Variants in MED13 observed in about 807,000 individuals in gnomAD.
MED13 encodes the protein mediator of RNA polymerase II transcription subunit 13.
MED13 carries 23 observed loss-of-function variants against 225.2 expected under a neutral mutation model. The observed-to-expected ratio is 0.10, with a 90% confidence interval of 0.07 to 0.14. The LOEUF (loss-of-function observed/expected upper bound fraction) is 0.14, where lower values mean the gene tolerates loss of function less well. Ranked by LOEUF, MED13 falls within the 10% of genes least tolerant of loss-of-function variation. The probability of loss-of-function intolerance (pLI) is 1.00; values close to 1 mark genes in which losing one functional copy is unlikely to be tolerated. For synonymous variants in MED13, 942 were observed against 889.2 expected (o/e 1.06, Z -1.06); for missense variants, 2,197 against 2,594.5 (o/e 0.85, Z 3.33).
At chr17:61,992,493 T>C (rs1410062020) in intron 11 of MED13, 47 bp downstream of exon 11, 15 of 1,191,350 alleles carry the variant, frequency 1.3e-5, no homozygotes, top group African/African-American at 9.0e-5. Flanking sequence ...CAGTCTGTAG[T>C]AACAATCCTG....
chr17:61,954,192 A>G (rs1262092709), intron 26 of MED13, among the ~76,000 whole-genome samples: 1 of 152,202 alleles, frequency 6.6e-6, no homozygotes, highest in African/African-American at 2.4e-5. Context: ...GAGTTATTAT[A>G]TAACACACGA....
intron 20 of MED13, among the ~76,000 whole-genome samples, chr17:61,964,770 T>C (rs536851728): frequency 5.6e-4 from 85 of 152,090 alleles, no homozygotes; most frequent in African/African-American, 2.0e-3. Flanking sequence ...ACCCTGTCTC[T>C]ACTAAAAATA....
At chr17:61,998,925 CTTTTTTTTTTT>C (rs10617153) in intron 9 of MED13, among the ~76,000 whole-genome samples, 2 of 103,864 alleles carry the variant, frequency 1.9e-5, no homozygotes, top group Non-Finnish European at 3.8e-5. Flanking sequence ...TTAAATGGTA[CTTTTTTTTTTT>C]TTTTTTTTTT....
rs1325798147 is a variant in MED13, at chr17:62,063,146, T to C, written c.222A>G (p.Arg74=). The part of the protein sequence containing the change: ...DVLGVWRRDQ[R]PGRRELWIFW... ...ATATCCACAATTCTCTTCTTCCAGGTCTTTGATCTCGCCGCCAAACACCAA... is the reference window on the plus strand; with the variant it reads ...ATATCCACAATTCTCTTCTTCCAGGCCTTTGATCTCGCCGCCAAACACCAA... Residue 74 remains arginine (R), a synonymous_variant, in exon 2 of 30, where the codon AGA becomes AGG. Coordinates refer to ENST00000397786, the MANE Select transcript of MED13 (RefSeq NM_005121.3). 3 of 1,614,192 alleles carry C rather than the reference T, an allele frequency of 1.9e-6. No homozygotes were observed. The highest frequency in any genetic ancestry group is 2.5e-6 in the Non-Finnish European group (3 of 1,180,018).
chr17:62,048,271 G>A (rs2080920545), intron 3 of MED13, among the ~76,000 whole-genome samples: 1 of 150,242 alleles, frequency 6.7e-6, no homozygotes, highest in Non-Finnish European at 1.5e-5. Context: ...CAGTCGTGGT[G>A]GCTAGTGTCT....
chr17:62,038,861 CGG>C lies in MED13; in HGVS notation c.471-3255_471-3254del, dbSNP rs373371098. Among the ~76,000 whole-genome samples the C allele has an allele frequency of 6.3e-3, 960 of 151,536 alleles. 9 individuals carry two copies. Among genetic ancestry groups the C allele is most frequent in the African/African-American group, 0.022 (906 of 41,320 alleles). On this transcript the variant is annotated intron_variant, in intron 3 of 29. Coordinates refer to ENST00000397786, the MANE Select transcript of MED13 (RefSeq NM_005121.3). ...TTTTTCCCCCTAGGGATGGCAGGGG[CGG>C]GGGGGCTCACTATGTTGCCCAGGCT...
rs531446145 is a variant in MED13 at position 62,015,834 on chromosome 17, TAC to T, written c.1284-4603_1284-4602del. 2.9e-3 allele frequency among the ~76,000 whole-genome samples: 331 copies of T among 113,438 alleles called. 1 individual carries two copies. Among genetic ancestry groups the T allele is most frequent in the African/African-American group, 9.9e-3 (310 of 31,268 alleles). 74.4% of individuals were successfully genotyped at this position (113,438 alleles called of 152,430 possible). On this transcript the variant is annotated intron_variant, in intron 8 of 29. Transcript: ENST00000397786. ...TATATATACATACACACTATATATA[TAC>T]ACACACACTATATATATGTGTATAG... is the stretch of plus-strand genomic sequence containing the variant.
Position 61,961,796 on chromosome 17 carries a change from A to C in MED13, c.5065-17T>G. The C allele has an allele frequency of 1.2e-6, 2 of 1,601,938 alleles. No individual in the cohort carries two copies. The highest frequency in any genetic ancestry group is 1.7e-6 in the Non-Finnish European group (2 of 1,172,334). ...AGGAATAATCTAAGAAGTATAGGCA[A>C]ATATTACAAATGTTAAACTTCCAAA... On this transcript the variant is annotated splice_polypyrimidine_tract_variant and intron_variant, in intron 21 of 29. Coordinates refer to ENST00000397786, the MANE Select transcript of MED13 (RefSeq NM_005121.3).
intron 3 of MED13, among the ~76,000 whole-genome samples, chr17:62,039,423 C>T (rs1390212056): frequency 6.6e-6 from 1 of 152,016 alleles, no homozygotes; most frequent in African/African-American, 2.4e-5. Context: ...GCTGGGATTA[C>T]AGGCACCCAT....
chr17:62,003,599 C>CAAAAAAAAAAA (rs34451831), intron 9 of MED13: 139 of 51,708 alleles, frequency 2.7e-3, no homozygotes, highest in African/African-American at 8.7e-3. Flanking sequence ...CAGCAAAACT[C>CAAAAAAAAAAA]AAAAAAAAAA....
Position 61,982,862 on chromosome 17 carries a change from G to A in MED13, c.3141C>T (p.Thr1047=), listed in dbSNP as rs750349799. The change falls in exon 16 of 30, where the codon ACC becomes ACT. Residue 1047 remains threonine (T), a synonymous_variant. Transcript: ENST00000397786. Reference sequence around the variant, plus strand: ...AATTAAGGGGTCTGCATGTAGATGGGGTAGAAGCTGGTGAATACAAGTCTG... The same window carrying A: ...AATTAAGGGGTCTGCATGTAGATGGAGTAGAAGCTGGTGAATACAAGTCTG... ...ENSDLYSPAS[T]PSTCRPLNSV... is the part of the protein sequence containing the mutation. The A allele has an allele frequency of 3.7e-6, 6 of 1,614,004 alleles. No homozygotes were observed. Among genetic ancestry groups the A allele is most frequent in the African/African-American group, 1.3e-5 (1 of 74,894 alleles).
At chr17:61,948,425 A>C (rs1196532654) in intron 28 of MED13, among the ~76,000 whole-genome samples, 1 of 152,198 alleles carries the variant, frequency 6.6e-6, no homozygotes, top group East Asian at 1.9e-4. Flanking sequence ...TGAAACACTA[A>C]GATAATAAAC....
rs1031280113 is a variant in MED13, at chr17:61,944,126, A to G, written c.*2342T>C. The G allele has an allele frequency of 6.6e-6, 1 of 152,584 alleles. No individual in the cohort carries two copies. Among genetic ancestry groups the G allele is most frequent in the African/African-American group, 2.4e-5 (1 of 41,440 alleles). The allele number at this position is 152,584 out of a possible 1,614,324, so 9.5% of individuals were successfully genotyped here. On this transcript the variant is annotated 3_prime_UTR_variant, in exon 30 of 30. Transcript: ENST00000397786. ...AATAAATCCTGTATATTTGGGAACT[A>G]TTCCCTGATTCCCAAATAAAAAATA... is the stretch of plus-strand genomic sequence containing the variant.
intron 16 of MED13, among the ~76,000 whole-genome samples, chr17:61,977,483 T>C (rs1030765989): frequency 1.3e-5 from 2 of 152,130 alleles, no homozygotes; most frequent in Non-Finnish European, 2.9e-5. Context: ...ACGGAGTCTC[T>C]CTCTGTCGCC....
intron 3 of MED13, among the ~76,000 whole-genome samples, chr17:62,050,961 C>T (rs1449150014): frequency 6.6e-6 from 1 of 151,996 alleles, no homozygotes; most frequent in Admixed American, 6.5e-5. Context: ...GCTGAGATTG[C>T]ACCACTGCAC....
At chr17:62,013,798 T>C (rs988886736) in intron 8 of MED13, among the ~76,000 whole-genome samples, 8 of 152,288 alleles carry the variant, frequency 5.3e-5, no homozygotes, top group East Asian at 1.9e-4. Flanking sequence ...CCCAGCACTT[T>C]GGGAGGCCGA....
chr17:62,015,957 T>TATATATATATA (rs1227669033), intron 8 of MED13, among the ~76,000 whole-genome samples: 4 of 6,316 alleles, frequency 6.3e-4, no homozygotes, highest in African/African-American at 7.2e-4. Flanking sequence ...TATATATATT[T>TATATATATATA]TTTTTTTTTT....
chr17:61,948,370 G>C (rs2079868000), intron 28 of MED13, among the ~76,000 whole-genome samples: 1 of 152,198 alleles, frequency 6.6e-6, no homozygotes, highest in Non-Finnish European at 1.5e-5. Context: ...GCTCTAGATA[G>C]TCCCTTGGAC....
intron 8 of MED13, among the ~76,000 whole-genome samples, chr17:62,022,034 G>A (rs1567984244): frequency 1.3e-5 from 2 of 151,752 alleles, no homozygotes; most frequent in East Asian, 1.9e-4. Context: ...TGGATGTGGT[G>A]GTATATACCT....
Sources: allele counts gnomAD v4.1 joint callset (sites outside exome capture counted in the v4.1 genomes callset), GRCh38; gene constraint gnomAD v4.1.1; transcripts MANE v1.5; gene names NCBI Gene and HGNC (gene_info 2026-07-23, HGNC 2026-07-21).